ALK: variants seen among roughly 807,000 people sequenced by gnomAD.
ALK encodes the protein ALK tyrosine kinase receptor.
In ALK, 74 loss-of-function variants were observed where a neutral mutation model predicts 163.1. That is an observed-to-expected ratio of 0.45 (90% CI 0.38 to 0.55). The LOEUF is 0.55. Ranked by LOEUF, ALK falls within the 20% of genes least tolerant of loss-of-function variation. The pLI, the probability that ALK is intolerant of heterozygous loss-of-function variation, is 0.00. For synonymous variants in ALK, 960 were observed against 843.2 expected, an observed-to-expected ratio of 1.14 and a Z score of -2.40; for missense variants, 2,063 against 2,105.3, an observed-to-expected ratio of 0.98 and a Z score of 0.39.
chr2:29,268,057 G>A, intron 11 of ALK, among the ~76,000 whole-genome samples: 1 of 152,196 alleles, frequency 6.6e-6, no homozygotes, highest in East Asian at 1.9e-4. Flanking sequence ...AGGCCAGCCA[G>A]GAGAGAGAAA....
intron 26 of ALK, among the ~76,000 whole-genome samples, chr2:29,201,851 G>A (rs1459539117): frequency 5.9e-5 from 9 of 151,388 alleles, no homozygotes; most frequent in Admixed American, 3.9e-4. Flanking sequence ...AAGCCACATC[G>A]CTCTCCTGTT....
intron 12 of ALK, among the ~76,000 whole-genome samples, chr2:29,244,048 C>A (rs1181243240): frequency 6.6e-6 from 1 of 152,216 alleles, no homozygotes; most frequent in Non-Finnish European, 1.5e-5. Flanking sequence ...AAAGAGGCTG[C>A]CTGCCGGATC....
intron 5 of ALK, among the ~76,000 whole-genome samples, chr2:29,331,350 A>G (rs2148261395): frequency 6.6e-6 from 1 of 152,292 alleles, no homozygotes; most frequent in East Asian, 1.9e-4. Context: ...ACACGGATGG[A>G]AAATACAATA....
intron 1 of ALK, among the ~76,000 whole-genome samples, chr2:29,907,681 T>A (rs1039669317): frequency 2.6e-4 from 40 of 152,332 alleles, no homozygotes; most frequent in African/African-American, 8.7e-4. Context: ...CTCTACGTCC[T>A]CTGGAAAACT....
In ALK at chr2:29,341,713, G is replaced by C. The variant is rs74910745; in HGVS notation, c.1283-13232C>G. ...GTGCAGTGGATGGGCCATTCTTCCA[G>C]CTAGGGGGGAGAGGAAGCAGGGTGT... On this transcript the variant is annotated intron_variant, in intron 5 of 28. Transcript: ENST00000389048. Among the ~76,000 whole-genome samples, 1,521 of 152,324 alleles carry C rather than the reference G, an allele frequency of 1.0e-2. 25 individuals carry two copies. The highest frequency in any genetic ancestry group is 0.035 in the African/African-American group (1,456 of 41,566).
At chr2:29,743,742 C>T (rs1382309137) in intron 1 of ALK, among the ~76,000 whole-genome samples, 1 of 152,170 alleles carries the variant, frequency 6.6e-6, no homozygotes, top group Non-Finnish European at 1.5e-5. Flanking sequence ...AGCCTGAGGC[C>T]TGCCAGTCTT....
intron 1 of ALK, among the ~76,000 whole-genome samples, chr2:29,902,102 G>C (rs1429906781): frequency 1.3e-5 from 2 of 152,126 alleles, no homozygotes; most frequent in African/African-American, 4.8e-5. Flanking sequence ...AAATCCCCAT[G>C]CCCAGCCCTG....
Position 29,396,848 on chromosome 2 carries a change from T to G in ALK, c.1155-12989A>C, listed in dbSNP as rs182188266. 1.0e-3 allele frequency among the ~76,000 whole-genome samples: 139 copies of G among 136,474 alleles called. 3 individuals are homozygous for G. The highest frequency in any genetic ancestry group is 1.7e-3 in the Non-Finnish European group (109 of 63,456). 89.5% of individuals were successfully genotyped at this position (136,474 alleles called of 152,430 possible). A position where few individuals can be genotyped will look rare whatever the true frequency, so the allele number is the denominator to read the frequency against. On this transcript the variant is annotated intron_variant, in intron 4 of 28. Coordinates refer to ENST00000389048, the MANE Select transcript of ALK (RefSeq NM_004304.5). ...CTTTGTTACTATGGTTTTTTTTTTT[T>G]TTTTTTTTTTTTGCTACTTGGCTAC...
intron 4 of ALK, among the ~76,000 whole-genome samples, chr2:29,398,191 C>T (rs577177647): frequency 1.3e-5 from 2 of 152,278 alleles, no homozygotes; most frequent in South Asian, 4.2e-4. Context: ...CCAGCGTTTC[C>T]TCCCATCTTC....
intron 1 of ALK, among the ~76,000 whole-genome samples, chr2:29,852,051 G>T (rs2148401406): frequency 6.6e-6 from 1 of 152,324 alleles, no homozygotes; most frequent in South Asian, 2.1e-4. Flanking sequence ...TGCAGGGGAA[G>T]ATAGAGAACG....
intron 3 of ALK, among the ~76,000 whole-genome samples, chr2:29,637,709 C>CAAAAAAAAAAAAAAAAAA (rs70958274): frequency 1.5e-4 from 17 of 112,338 alleles, no homozygotes; most frequent in African/African-American, 6.9e-4. Flanking sequence ...ACTCCGTCTC[C>CAAAAAAAAAAAAAAAAAA]AAAAAAAAAA....
In ALK at chr2:29,239,711, A is replaced by T; in HGVS notation, c.2324T>A (p.Val775Asp). The T allele has an allele frequency of 6.2e-7, 1 of 1,614,052 alleles. No individual in the cohort carries two copies. The highest frequency in any genetic ancestry group is 8.5e-7 in the Non-Finnish European group (1 of 1,180,024). ...LEKDDMLYIL[V>D]GQQGEDACPS... Reference sequence around the variant, plus strand: ...GCAGGCGTCCTCTCCCTGCTGCCCAACCAGGATGTACAGCATGTCATCCTT... The same window carrying T: ...GCAGGCGTCCTCTCCCTGCTGCCCATCCAGGATGTACAGCATGTCATCCTT... The change falls in exon 13 of 29, where the codon GTT becomes GAT. Residue 775 changes from valine to aspartate, a missense_variant. By Grantham distance (152) the Val-to-Asp change is radical. This residue lies in a region of ALK where 575 missense variants were observed against 626.6 expected (regional missense o/e 0.92). Transcript: ENST00000389048.
intron 26 of ALK, among the ~76,000 whole-genome samples, chr2:29,204,879 G>T (rs913691915): frequency 2.0e-5 from 3 of 152,196 alleles, no homozygotes; most frequent in Non-Finnish European, 2.9e-5. Context: ...ATGAGCTACT[G>T]TGCTTGGCCC....
At chr2:29,816,797 T>C (rs1374565944) in intron 1 of ALK, among the ~76,000 whole-genome samples, 1 of 151,982 alleles carries the variant, frequency 6.6e-6, no homozygotes, top group East Asian at 1.9e-4. Context: ...TCTGCACAGC[T>C]CCTCCCAGCC....
chr2:29,569,181 A>T (rs1159900280), intron 3 of ALK, among the ~76,000 whole-genome samples: 1 of 152,120 alleles, frequency 6.6e-6, no homozygotes, highest in Non-Finnish European at 1.5e-5. Context: ...CCAACCTGTG[A>T]GGCTCATCAT....
chr2:29,680,601 GTTCT>G (rs1678034576), intron 3 of ALK, among the ~76,000 whole-genome samples: 1 of 151,968 alleles, frequency 6.6e-6, no homozygotes, highest in African/African-American at 2.4e-5. Context: ...TTGTCATGCT[GTTCT>G]TTATTTCTTT....
chr2:29,281,785 C>T (rs190350445), intron 9 of ALK, among the ~76,000 whole-genome samples: 207 of 152,298 alleles, frequency 1.4e-3, no homozygotes, highest in African/African-American at 4.4e-3. Context: ...CAGAATTGGG[C>T]GCCTCGGAGA....
At chr2:29,273,580 AAT>A (rs768899948) in intron 11 of ALK, among the ~76,000 whole-genome samples, 1 of 152,128 alleles carries the variant, frequency 6.6e-6, no homozygotes, top group Non-Finnish European at 1.5e-5. Flanking sequence ...CTGTTTCCTA[AAT>A]GCTGGCTGCA....
intron 24 of ALK, among the ~76,000 whole-genome samples, chr2:29,210,235 A>G (rs2148155876): frequency 6.6e-6 from 1 of 152,336 alleles, no homozygotes; most frequent in East Asian, 1.9e-4. Flanking sequence ...ACAAGGTGCT[A>G]TTACTGTCCT....
Sources: gnomAD v4.1 joint callset for allele counts (sites outside exome capture counted in the v4.1 genomes callset) on GRCh38, gnomAD v4.1.1 for gene constraint, gnomAD v4.1.1 regional missense constraint, MANE v1.5 for transcripts, NCBI Gene and HGNC (gene_info 2026-07-23, HGNC 2026-07-21) for gene names.